EPHA5: variants seen among roughly 807,000 people sequenced by gnomAD.
EPHA5 encodes the protein EPH receptor A5, also known as ephrin type-A receptor 5.
Under a neutral mutation model 105.0 loss-of-function variants are expected in EPHA5, and 60 were observed. The ratio of observed to expected loss-of-function variants is 0.57; its 90% CI spans 0.46 to 0.71. The LOEUF is 0.71. EPHA5 is among the 30% of genes least tolerant of loss of function. EPHA5 has a pLI of 0.00. For synonymous variants in EPHA5, 513 were observed against 449.1 expected, an observed-to-expected ratio of 1.14 and a Z score of -1.80; for missense variants, 1,218 against 1,274.7, an observed-to-expected ratio of 0.96 and a Z score of 0.68.
At chr4:65,518,586 TG>T (rs1460582059) in intron 3 of EPHA5, among the ~76,000 whole-genome samples, 3 of 152,022 alleles carry the variant, frequency 2.0e-5, no homozygotes, top group Admixed American at 6.6e-5. Context: ...AGGCAAAATC[TG>T]GTTTTAACTA....
chr4:65,652,659 C>T (rs1449962639), intron 1 of EPHA5, among the ~76,000 whole-genome samples: 1 of 152,092 alleles, frequency 6.6e-6, no homozygotes, highest in East Asian at 1.9e-4. Context: ...CTTAATCCTA[C>T]ATATCAATGA....
chr4:65,382,197 T>G (rs546601559), intron 8 of EPHA5, among the ~76,000 whole-genome samples: 1 of 151,468 alleles, frequency 6.6e-6, no homozygotes, highest in South Asian at 2.1e-4. Context: ...TATTTCTTAC[T>G]CTAAAAAAAA....
At chr4:65,394,412 T>C (rs952431919) in intron 8 of EPHA5, among the ~76,000 whole-genome samples, 5 of 152,180 alleles carry the variant, frequency 3.3e-5, no homozygotes, top group African/African-American at 7.2e-5. Context: ...ACTGACTGGT[T>C]GTATACAACA....
chr4:65,331,255 T>C (rs1468816555), intron 16 of EPHA5: 1 of 1,030,140 alleles, frequency 9.7e-7, no homozygotes, highest in Non-Finnish European at 1.2e-6. Flanking sequence ...CAAATAACAA[T>C]TAGGCTAAAA....
intron 5 of EPHA5, among the ~76,000 whole-genome samples, chr4:65,452,730 A>C (rs973695269): frequency 2.0e-5 from 3 of 152,184 alleles, no homozygotes; most frequent in African/African-American, 7.2e-5. Context: ...TTGTCCTTAA[A>C]TTTGAAAGAA....
At chr4:65,465,540 AGGAAGGAAAGGAAG>A (rs1560567686) in intron 5 of EPHA5, among the ~76,000 whole-genome samples, 6 of 71,930 alleles carry the variant, frequency 8.3e-5, no homozygotes, top group Non-Finnish European at 1.3e-4. Flanking sequence ...AAGAAAGGAA[AGGAAGGAAAGGAAG>A]GAAAGGAAGG....
intron 8 of EPHA5, among the ~76,000 whole-genome samples, chr4:65,376,348 A>G (rs1719002321): frequency 6.6e-6 from 1 of 152,050 alleles, no homozygotes; most frequent in South Asian, 2.1e-4. Context: ...ACATCTGTGA[A>G]TAATCGTAAC....
chr4:65,375,278 A>G (rs1039140524), intron 8 of EPHA5, among the ~76,000 whole-genome samples: 13 of 151,974 alleles, frequency 8.6e-5, no homozygotes, highest in Admixed American at 6.6e-4. Context: ...ATTTGTGGCT[A>G]AATCTTTTTT....
At chr4:65,352,637 T>C (rs1722924142) in intron 12 of EPHA5, among the ~76,000 whole-genome samples, 1 of 151,966 alleles carries the variant, frequency 6.6e-6, no homozygotes, top group Non-Finnish European at 1.5e-5. Context: ...ATTAATGACT[T>C]GCCTGGGCTA....
chr4:65,627,204 GT>G (rs1259921421), intron 2 of EPHA5, among the ~76,000 whole-genome samples: 5 of 152,082 alleles, frequency 3.3e-5, no homozygotes, highest in Non-Finnish European at 7.4e-5. Flanking sequence ...GGTTTTAAAT[GT>G]AGAACCAGCT....
At chr4:65,414,584 C>T in intron 6 of EPHA5, 141 bp from the exon 7 acceptor site, 1 of 888,040 alleles carries the variant, frequency 1.1e-6, no homozygotes, top group South Asian at 1.8e-5. Flanking sequence ...GAAAAAAATC[C>T]TACACATCCT....
intron 5 of EPHA5, among the ~76,000 whole-genome samples, chr4:65,464,807 A>C (rs1425415166): frequency 1.3e-5 from 2 of 152,144 alleles, no homozygotes; most frequent in Non-Finnish European, 2.9e-5. Flanking sequence ...CTATTAGATT[A>C]GATACTGAAG....
intron 1 of EPHA5, among the ~76,000 whole-genome samples, chr4:65,651,303 A>T (rs558479427): frequency 6.6e-6 from 1 of 152,314 alleles, no homozygotes; most frequent in South Asian, 2.1e-4. Context: ...CTCTCTCAGG[A>T]ATTGCTTTTA....
intron 11 of EPHA5, among the ~76,000 whole-genome samples, chr4:65,359,438 A>G (rs2148875116): frequency 6.6e-6 from 1 of 151,786 alleles, no homozygotes; most frequent in Admixed American, 6.6e-5. Flanking sequence ...AACTTTATGC[A>G]CAACATCTGT....
intron 3 of EPHA5, among the ~76,000 whole-genome samples, chr4:65,600,384 G>A (rs1743601145): frequency 6.6e-6 from 1 of 152,004 alleles, no homozygotes; most frequent in Admixed American, 6.6e-5. Context: ...TAGCTTGCAT[G>A]GAAAAACAAC....
rs115356237 is a variant in EPHA5 at position 65,334,382 on chromosome 4, G to A, written c.2789+1550C>T. Among the ~76,000 whole-genome samples the A allele has an allele frequency of 2.4e-3, 362 of 152,122 alleles. 3 individuals are homozygous for A. The highest frequency in any genetic ancestry group is 8.4e-3 in the African/African-American group (347 of 41,542). On this transcript the variant is annotated intron_variant, in intron 15 of 16. Transcript: ENST00000613740. Reference sequence around the variant, plus strand: ...TGGAGAGTAAGATCTTGAAGTTGAAGTTATGAAAGAATTGCAATTTTGATA... The same window carrying A: ...TGGAGAGTAAGATCTTGAAGTTGAAATTATGAAAGAATTGCAATTTTGATA...
chr4:65,590,122 C>T (rs930845526), intron 3 of EPHA5, among the ~76,000 whole-genome samples: 2 of 152,168 alleles, frequency 1.3e-5, no homozygotes, highest in Admixed American at 1.3e-4. Context: ...AGTTATCCGT[C>T]AGTCAAATTA....
intron 1 of EPHA5, among the ~76,000 whole-genome samples, 163 bp from the exon 2 acceptor site, chr4:65,643,590 C>A (rs1275438608): frequency 6.6e-6 from 1 of 151,282 alleles, no homozygotes; most frequent in Non-Finnish European, 1.5e-5. Context: ...TATATTGATG[C>A]AGGAGAACAA....
intron 11 of EPHA5, among the ~76,000 whole-genome samples, chr4:65,355,497 G>C (rs942885470): frequency 6.6e-6 from 1 of 151,484 alleles, no homozygotes; most frequent in African/African-American, 2.4e-5. Context: ...ACACAGTTCT[G>C]CTTTGGGCTC....
Sources: allele counts gnomAD v4.1 joint callset (sites outside exome capture counted in the v4.1 genomes callset), GRCh38; gene constraint gnomAD v4.1.1; transcripts MANE v1.5; gene names NCBI Gene and HGNC (gene_info 2026-07-23, HGNC 2026-07-21).